The following PDE10A variants were observed in gnomAD, a reference collection of about 807,000 sequenced individuals.
PDE10A encodes cAMP and cAMP-inhibited cGMP 3',5'-cyclic phosphodiesterase 10A.
In PDE10A, 39 loss-of-function variants were observed where a neutral mutation model predicts 97.7. The observed-to-expected ratio is 0.40, with a 90% CI of 0.31 to 0.52. PDE10A has a LOEUF of 0.52. Ranked by LOEUF, PDE10A falls within the 20% of genes least tolerant of loss-of-function variation. The pLI, the probability that PDE10A is intolerant of heterozygous loss-of-function variation, is 0.56. For missense variants in PDE10A, 731 were observed against 1,047.8 expected (o/e 0.70, Z 4.17); for synonymous variants, 371 against 376.8 (o/e 0.98, Z 0.18).
At chr6:165,849,001 A>G (rs1780498803) in intron 1 of PDE10A, among the ~76,000 whole-genome samples, 1 of 152,222 alleles carries the variant, frequency 6.6e-6, no homozygotes. Flanking sequence ...ATGATTTGTT[A>G]CCACTGCAAT....
At chr6:165,378,608 T>C (rs559561593) in intron 18 of PDE10A, among the ~76,000 whole-genome samples, 7 of 152,222 alleles carry the variant, frequency 4.6e-5, no homozygotes, top group Non-Finnish European at 1.0e-4. Flanking sequence ...CAGACTAATT[T>C]AGCCTGATTC....
At chr6:165,987,117 G>T (rs542931763) in intron 1 of PDE10A, among the ~76,000 whole-genome samples, 1 of 152,128 alleles carries the variant, frequency 6.6e-6, no homozygotes, top group East Asian at 1.9e-4. Flanking sequence ...AGGCCGCCTC[G>T]GGAGGCACCT....
At chr6:165,796,360 A>G (rs2128464642) in intron 1 of PDE10A, among the ~76,000 whole-genome samples, 1 of 152,270 alleles carries the variant, frequency 6.6e-6, no homozygotes, top group East Asian at 1.9e-4. Flanking sequence ...TGCTGGGGTT[A>G]TAGGCGTGAG....
At chr6:165,894,912 T>C (rs1781904880) in intron 1 of PDE10A, among the ~76,000 whole-genome samples, 1 of 152,224 alleles carries the variant, frequency 6.6e-6, no homozygotes, top group African/African-American at 2.4e-5. Flanking sequence ...CATGGAGCTT[T>C]AAATATTTCA....
intron 1 of PDE10A, among the ~76,000 whole-genome samples, chr6:165,901,875 C>A (rs201564507): frequency 1.3e-5 from 1 of 74,378 alleles, no homozygotes; most frequent in Non-Finnish European, 2.5e-5. Flanking sequence ...TGACTAAGCC[C>A]AGCCCGTCAC....
At chr6:165,447,079 A>C (rs1790902497) in intron 5 of PDE10A, among the ~76,000 whole-genome samples, 1 of 152,106 alleles carries the variant, frequency 6.6e-6, no homozygotes, top group Non-Finnish European at 1.5e-5. Context: ...GTGTATAAAG[A>C]AGTCTGCAAA....
chr6:165,347,970 A>C (rs557608457), intron 18 of PDE10A, among the ~76,000 whole-genome samples: 1 of 152,364 alleles, frequency 6.6e-6, no homozygotes, highest in Non-Finnish European at 1.5e-5. Context: ...AAGAATTAAC[A>C]AAGAATTGTT....
chr6:165,943,161 GAAGAAAGAA>G (rs553644152), intron 1 of PDE10A, among the ~76,000 whole-genome samples: 76 of 97,726 alleles, frequency 7.8e-4, no homozygotes, highest in African/African-American at 9.5e-4. Flanking sequence ...GAGAGAGAGA[GAAGAAAGAA>G]AGAAAAAAGA....
At chr6:165,453,064 T>G (rs917594244) in intron 3 of PDE10A, among the ~76,000 whole-genome samples, 15 of 152,192 alleles carry the variant, frequency 9.9e-5, no homozygotes, top group Non-Finnish European at 2.1e-4. Context: ...GCCATCCTTA[T>G]GAAGTCACAA....
intron 1 of PDE10A, among the ~76,000 whole-genome samples, chr6:165,717,230 T>C (rs1352135862): frequency 1.3e-5 from 2 of 152,230 alleles, no homozygotes; most frequent in Non-Finnish European, 2.9e-5. Flanking sequence ...AATCTGTATA[T>C]CCACTCCTCC....
chr6:165,841,913 T>C (rs1780272516), intron 1 of PDE10A, among the ~76,000 whole-genome samples: 1 of 152,240 alleles, frequency 6.6e-6, no homozygotes, highest in Non-Finnish European at 1.5e-5. Context: ...TTTTCATTTT[T>C]ATTGTGATTT....
chr6:165,982,941 A>G (rs905381380), intron 1 of PDE10A, among the ~76,000 whole-genome samples: 6 of 152,228 alleles, frequency 3.9e-5, no homozygotes, highest in Non-Finnish European at 7.3e-5. Flanking sequence ...TCTTTAAGTT[A>G]CAAAGGAAAA....
At chr6:165,707,687 ATGTG>A (rs1021691294) in intron 1 of PDE10A, among the ~76,000 whole-genome samples, 1 of 151,326 alleles carries the variant, frequency 6.6e-6, no homozygotes, top group Non-Finnish European at 1.5e-5. Flanking sequence ...GTATGTGAGC[ATGTG>A]TGTGAGTGTG....
intron 1 of PDE10A, among the ~76,000 whole-genome samples, chr6:165,683,560 T>G (rs1229044800): frequency 6.6e-6 from 1 of 152,200 alleles, no homozygotes; most frequent in Non-Finnish European, 1.5e-5. Flanking sequence ...TGAGGTCATT[T>G]TTGTTCCAAA....
intron 1 of PDE10A, among the ~76,000 whole-genome samples, chr6:165,562,771 C>A (rs1349841095): frequency 1.3e-5 from 2 of 152,092 alleles, no homozygotes; most frequent in Non-Finnish European, 1.5e-5. Flanking sequence ...TGGCCTGGCA[C>A]GTAGTAAAAT....
rs923348212 is a variant in PDE10A at position 165,671,558 on chromosome 6, A to C, written c.-614-127990T>G. 6.6e-6 allele frequency among the ~76,000 whole-genome samples: 1 copy of C among 152,242 alleles called. No individual in the cohort carries two copies. The highest frequency in any genetic ancestry group is 1.9e-4 in the East Asian group (1 of 5,174). ...CCATGACTGTGTTCAGCATGACTGC[A>C]CTCAAAGGACCCAATTAATTCACTT... On this transcript the variant is annotated intron_variant, in intron 1 of 19. Coordinates refer to the PDE10A transcript ENST00000366882. This position sits in a 1 kb window ranked among gnomAD's most constrained non-coding sequence, Gnocchi z 4.6.
chr6:165,683,995 T>G (rs1791048298), intron 1 of PDE10A, among the ~76,000 whole-genome samples: 1 of 152,184 alleles, frequency 6.6e-6, no homozygotes, highest in African/African-American at 2.4e-5. Context: ...TGCTGTTCCC[T>G]CTGTCTGGAA....
chr6:165,550,078 G>A (rs1031991754), intron 1 of PDE10A, among the ~76,000 whole-genome samples: 6 of 152,044 alleles, frequency 3.9e-5, no homozygotes, highest in Non-Finnish European at 8.8e-5. Context: ...CACGACACCT[G>A]AGTTCTGACT....
At chr6:165,906,028 CCTTCCTTCCTT>C (rs1782264339) in intron 1 of PDE10A, among the ~76,000 whole-genome samples, 1 of 7,352 alleles carries the variant, frequency 1.4e-4, no homozygotes, top group African/African-American at 7.2e-4. Context: ...TCCCTCCCTT[CCTTCCTTCCTT>C]CCTTCCTTCC....
Sources: gnomAD v4.1 joint callset for allele counts (sites outside exome capture counted in the v4.1 genomes callset) on GRCh38, gnomAD v4.1.1 for gene constraint, Gnocchi (gnomAD v3.1) non-coding constraint, MANE v1.5 for transcripts, NCBI Gene and HGNC (gene_info 2026-07-23, HGNC 2026-07-21) for gene names.